The following UBE2R2 variants were observed in gnomAD, a reference collection of about 807,000 sequenced individuals.
The protein encoded by UBE2R2 is ubiquitin-conjugating enzyme E2 R2.
In UBE2R2, 1 loss-of-function variant was observed where a neutral mutation model predicts 27.8. That is an observed-to-expected ratio of 0.04 (90% confidence interval 0.01 to 0.17). The LOEUF (loss-of-function observed/expected upper bound fraction) is 0.17. Ranked by LOEUF, UBE2R2 falls within the 10% of genes least tolerant of loss-of-function variation. UBE2R2 has a pLI of 1.00. For synonymous variants in UBE2R2, 106 were observed against 113.3 expected, an observed-to-expected ratio of 0.94 and a Z score of 0.41; for missense variants, 100 against 291.0, an observed-to-expected ratio of 0.34 and a Z score of 4.78.
At position 33,818,008 on chromosome 9, in the gene UBE2R2, T is replaced by C. The variant is rs1009284528; in HGVS notation, c.177+74T>C. On this transcript the variant is annotated intron_variant, in intron 1 of 4. Transcript: ENST00000263228. ...GCTCCCCGCCGCTTTCTGCAGTTCC[T>C]GGGACCAGGAGTATGAGCACGGGCG... 9.0e-6 allele frequency: 14 copies of C among 1,547,394 alleles called. No homozygotes were observed. In the African/African-American group the frequency reaches 1.8e-4, roughly 20 times the overall value.
chr9:33,900,656 T>C (rs1822222718), intron 3 of UBE2R2, among the ~76,000 whole-genome samples: 1 of 152,178 alleles, frequency 6.6e-6, no homozygotes, highest in Non-Finnish European at 1.5e-5. Context: ...ATTTCCTTTG[T>C]TTTTACCTGT....
At chr9:33,912,132 C>T (rs771134951) in intron 4 of UBE2R2, 34 bp downstream of exon 4, 65 of 1,551,624 alleles carry the variant, frequency 4.2e-5, no homozygotes, top group Non-Finnish European at 5.7e-5. Context: ...TCAAGTTATA[C>T]AAAACCAAAA....
chr9:33,896,578 G>A (rs1822109567), intron 2 of UBE2R2, among the ~76,000 whole-genome samples: 1 of 151,672 alleles, frequency 6.6e-6, no homozygotes, highest in Non-Finnish European at 1.5e-5. Context: ...GAGTAGCTGG[G>A]ACTACCGGCG....
rs1463760350 is a variant in UBE2R2, at chr9:33,920,216, G to A, written c.*2979G>A. 6.6e-6 allele frequency: 1 copy of A among 152,524 alleles called. No individual in the cohort carries two copies. The highest frequency in any genetic ancestry group is 1.5e-5 in the Non-Finnish European group (1 of 68,034). 9.4% of individuals were successfully genotyped at this position (152,524 alleles called of 1,614,324 possible). On this transcript the variant is annotated 3_prime_UTR_variant, in exon 5 of 5. Transcript: ENST00000263228. ...ATTTTCAACTATTCTGAAACCAGCA[G>A]GACACACCTGACTTTAATAGTTTTA...
chr9:33,864,493 A>G (rs961650810), intron 1 of UBE2R2, among the ~76,000 whole-genome samples: 7 of 152,212 alleles, frequency 4.6e-5, no homozygotes, highest in African/African-American at 1.4e-4. Context: ...TATGAAAGTA[A>G]TAACATACTT....
chr9:33,856,607 TTA>T lies in UBE2R2; in HGVS notation c.178-30272_178-30271del, dbSNP rs201722391. 8.3e-3 allele frequency among the ~76,000 whole-genome samples: 1,269 copies of T among 152,276 alleles called. 14 individuals carry two copies. The highest frequency in any genetic ancestry group is 0.028 in the African/African-American group (1,167 of 41,574). On this transcript the variant is annotated intron_variant, in intron 1 of 4. Coordinates refer to ENST00000263228, the MANE Select transcript of UBE2R2 (RefSeq NM_017811.4). ...TTATAGTGATAGCAATATCAAGTGTTTATGTTATTTTAACTATATATAAATAC... is the reference window on the plus strand; with the variant it reads ...TTATAGTGATAGCAATATCAAGTGTTTGTTATTTTAACTATATATAAATAC...
chr9:33,890,817 C>T (rs184368460), intron 2 of UBE2R2, among the ~76,000 whole-genome samples: 7 of 152,018 alleles, frequency 4.6e-5, no homozygotes, highest in East Asian at 1.9e-4. Flanking sequence ...CTTGCAGGGA[C>T]GGGGTGGTTG....
chr9:33,834,848 TGCAGTAA>T (rs1199001806), intron 1 of UBE2R2, among the ~76,000 whole-genome samples: 3 of 150,774 alleles, frequency 2.0e-5, no homozygotes, highest in Non-Finnish European at 4.4e-5. Context: ...AGGTGGAGGT[TGCAGTAA>T]GCCGAGATCG....
Position 33,884,198 on chromosome 9 carries a change from A to ATCTCTCTCTCTCTCTCTCTCTCTCTCTC in UBE2R2, c.178-2673_178-2646dup, listed in dbSNP as rs777923492. 4.9e-3 allele frequency among the ~76,000 whole-genome samples: 313 copies of ATCTCTCTCTCTCTCTCTCTCTCTCTCTC among 63,468 alleles called. 44 individuals carry two copies. Among genetic ancestry groups the ATCTCTCTCTCTCTCTCTCTCTCTCTCTC allele is most frequent in the Middle Eastern group, 0.01 (1 of 100 alleles). 41.6% of individuals were successfully genotyped at this position (63,468 alleles called of 152,430 possible). A position where few individuals can be genotyped will look rare whatever the true frequency, so the allele number is the denominator to read the frequency against. On this transcript the variant is annotated intron_variant, in intron 1 of 4. Transcript: ENST00000263228. The stretch of plus-strand genomic sequence containing the variant: ...AGTTTTTGTACTTAACAACTTAAGA[A>ATCTCTCTCTCTCTCTCTCTCTCTCTCTC]TCTCTCTCTCTCTCTCTCTCTCTCT...
At chr9:33,815,618 A>T (rs1311933918), upstream of UBE2R2, among the ~76,000 whole-genome samples, 4 of 152,054 alleles carry the variant, frequency 2.6e-5, no homozygotes, top group Non-Finnish European at 2.9e-5. Context: ...GGCTGTGCAC[A>T]CCTGTGGTCC....
intron 1 of UBE2R2, among the ~76,000 whole-genome samples, chr9:33,866,627 A>G (rs1157508938): frequency 1.3e-5 from 2 of 152,156 alleles, no homozygotes; most frequent in African/African-American, 4.8e-5. Context: ...ACACTGGGGC[A>G]TCTGTATATC....
chr9:33,855,042 A>G (rs1262314869), intron 1 of UBE2R2, among the ~76,000 whole-genome samples: 1 of 150,052 alleles, frequency 6.7e-6, no homozygotes, highest in Admixed American at 6.7e-5. Context: ...TGGCCATGAT[A>G]GTTAATTCAT....
At chr9:33,867,814 G>A (rs1311818400) in intron 1 of UBE2R2, among the ~76,000 whole-genome samples, 8 of 152,306 alleles carry the variant, frequency 5.3e-5, no homozygotes, top group Admixed American at 3.9e-4. Flanking sequence ...AGCTACTTGG[G>A]AGGCTGAGGC....
intron 4 of UBE2R2, 113 bp downstream of exon 4, chr9:33,912,211 T>C (rs942823729): frequency 1.8e-4 from 176 of 987,594 alleles, no homozygotes; most frequent in Non-Finnish European, 2.4e-4. Flanking sequence ...TTTTCCTCTA[T>C]TAGATTTATA....
intron 1 of UBE2R2, among the ~76,000 whole-genome samples, chr9:33,834,396 A>T (rs1238706562): frequency 6.6e-6 from 1 of 151,448 alleles, no homozygotes; most frequent in Non-Finnish European, 1.5e-5. Context: ...TATTTTTAGT[A>T]GAGACGGGTT....
At chr9:33,881,960 G>T (rs568309386) in intron 1 of UBE2R2, among the ~76,000 whole-genome samples, 1 of 152,294 alleles carries the variant, frequency 6.6e-6, no homozygotes, top group South Asian at 2.1e-4. Flanking sequence ...TAGTACTACT[G>T]TAAGGAAGAT....
intron 4 of UBE2R2, among the ~76,000 whole-genome samples, chr9:33,915,054 C>G (rs1385916791): frequency 1.3e-5 from 2 of 151,198 alleles, no homozygotes; most frequent in Admixed American, 6.6e-5. Context: ...TGCTTGAGCT[C>G]TGGAGCCAGA....
chr9:33,868,446 T>G (rs1004162702), intron 1 of UBE2R2: 3 of 150,940 alleles, frequency 2.0e-5, no homozygotes, highest in Non-Finnish European at 4.4e-5. Context: ...GTACACACAC[T>G]TTTTTTTCCC....
intron 1 of UBE2R2, among the ~76,000 whole-genome samples, chr9:33,849,188 C>T (rs1045178071): frequency 2.6e-5 from 4 of 151,932 alleles, no homozygotes; most frequent in Non-Finnish European, 4.4e-5. Flanking sequence ...ACCTGGGAGG[C>T]GGAGGTTGCG....
Sources: gnomAD v4.1 joint callset for allele counts (sites outside exome capture counted in the v4.1 genomes callset) on GRCh38, gnomAD v4.1.1 for gene constraint, MANE v1.5 for transcripts, NCBI Gene and HGNC (gene_info 2026-07-23, HGNC 2026-07-21) for gene names.